Variants in FER1L5 observed in about 807,000 individuals in gnomAD.
FER1L5 encodes the protein fer-1-like protein 5.
Under a neutral mutation model 279.9 loss-of-function variants are expected in FER1L5, and 187 were observed. The observed-to-expected ratio is 0.67, with a 90% confidence interval of 0.59 to 0.75. The LOEUF (loss-of-function observed/expected upper bound fraction) is 0.75. Ranked by LOEUF, FER1L5 falls within the 30% of genes least tolerant of loss-of-function variation. FER1L5 has a pLI of 0.00. For missense variants in FER1L5, 2,091 were observed against 2,594.4 expected (o/e 0.81, Z 4.21); for synonymous variants, 921 against 989.7 (o/e 0.93, Z 1.30).
At chr2:96,649,821 A>G (rs774885487) in intron 5 of FER1L5, 144 bp downstream of exon 5, 153 of 793,100 alleles carry the variant, frequency 1.9e-4, no homozygotes, top group Admixed American at 4.8e-4. Flanking sequence ...TGGAAGCTAC[A>G]GGGTCTAGAT....
intron 19 of FER1L5, among the ~76,000 whole-genome samples, 153 bp downstream of exon 19, chr2:96,673,407 C>A (rs1199086404): frequency 1.6e-5 from 1 of 62,082 alleles, no homozygotes; most frequent in Non-Finnish European, 2.7e-5. Context: ...GAGGTGAAGT[C>A]ATTTGCCAAA....
In FER1L5 at chr2:96,699,076, A is replaced by C. The variant is rs1353772061; in HGVS notation, c.4550A>C (p.Lys1517Thr). 2 of 1,612,026 alleles carry C rather than the reference A, an allele frequency of 1.2e-6. No homozygotes were observed. Among genetic ancestry groups the C allele is most frequent in the Non-Finnish European group, 1.7e-6 (2 of 1,179,186 alleles). ...CDPYVILKLG[K>T]TELGNRDMYQ... is the part of the protein sequence containing the mutation. ...CCTTATGTGATCCTGAAACTGGGCA[A>C]GACAGAGCTTGGCAACCGGGACATG... Residue 1517 changes from lysine (K) to threonine (T), a missense_variant, in exon 42 of 53, where the codon AAG becomes ACG. Coordinates refer to ENST00000624922, the MANE Select transcript of FER1L5 (RefSeq NM_001293083.2).
chr2:96,652,048 G>A (rs2075403424), intron 7 of FER1L5, 28 bp downstream of exon 7: 1 of 1,551,354 alleles, frequency 6.4e-7, no homozygotes, highest in Admixed American at 2.0e-5. Context: ...CATCAGGCAA[G>A]GAGCCAGCCA....
chr2:96,700,929 C>A (rs1427892089), intron 45 of FER1L5, among the ~76,000 whole-genome samples: 1 of 152,342 alleles, frequency 6.6e-6, no homozygotes, highest in Non-Finnish European at 1.5e-5. Flanking sequence ...CACTCTGCAG[C>A]CACCATAATG....
chr2:96,645,271 G>A (rs982152423), intron 1 of FER1L5, among the ~76,000 whole-genome samples: 1 of 152,156 alleles, frequency 6.6e-6, no homozygotes, highest in Non-Finnish European at 1.5e-5. Context: ...CAGCTCTCCT[G>A]GGTAGCTCCT....
Position 96,704,754 on chromosome 2 carries a change from A to G in FER1L5, c.*62A>G. ...CAGCCCTCCCCTTGGGCTGGCTACCAGTTCTTTGTTTCTATCTTCTAGAAT... is the reference window on the plus strand; with the variant it reads ...CAGCCCTCCCCTTGGGCTGGCTACCGGTTCTTTGTTTCTATCTTCTAGAAT... On this transcript the variant is annotated 3_prime_UTR_variant, in exon 53 of 53. Coordinates refer to ENST00000624922, the MANE Select transcript of FER1L5 (RefSeq NM_001293083.2). The G allele has an allele frequency of 7.6e-7, 1 of 1,310,412 alleles. No homozygotes were observed. Among genetic ancestry groups the G allele is most frequent in the Non-Finnish European group, 1.1e-6 (1 of 913,954 alleles). The allele number at this position is 1,310,412 out of a possible 1,614,324, so 81.2% of individuals were successfully genotyped here.
intron 45 of FER1L5, among the ~76,000 whole-genome samples, chr2:96,700,855 C>A (rs1383990106): frequency 1.3e-5 from 2 of 152,174 alleles, no homozygotes; most frequent in Non-Finnish European, 2.9e-5. Context: ...TAGGCTGTGT[C>A]TTCTTCACAG....
At chr2:96,690,296 G>T (rs898884187) in intron 26 of FER1L5, among the ~76,000 whole-genome samples, 191 bp from the exon 27 acceptor site, 6 of 152,150 alleles carry the variant, frequency 3.9e-5, no homozygotes, top group Non-Finnish European at 8.8e-5. Flanking sequence ...AGCTTCCAGC[G>T]CAGAAAGGCA....
At chr2:96,666,315 G>A (rs1474958753) in intron 14 of FER1L5, among the ~76,000 whole-genome samples, 1 of 150,976 alleles carries the variant, frequency 6.6e-6, no homozygotes, top group African/African-American at 2.4e-5. Flanking sequence ...CCATAAATCT[G>A]AACTTGGAGG....
intron 9 of FER1L5, among the ~76,000 whole-genome samples, chr2:96,659,139 T>C (rs2075719066): frequency 6.6e-6 from 1 of 151,432 alleles, no homozygotes; most frequent in East Asian, 1.9e-4. Context: ...TTCACCGTGT[T>C]AGCCAGGATG....
chr2:96,647,067 C>T lies in FER1L5; in HGVS notation c.142C>T (p.Leu48=). The part of the protein sequence containing the change: ...EGNDPVWNET[L]IWHLWNRPLE... The stretch of plus-strand genomic sequence containing the variant: ...GACCTCTCTATGCCCCCCACAGACC[C>T]TAATCTGGCACCTCTGGAACCGCCC... The change falls in exon 3 of 53, where the codon CTA becomes TTA. Residue 48 remains leucine (L), a synonymous_variant. Transcript: ENST00000624922. The T allele has an allele frequency of 2.6e-6, 4 of 1,551,622 alleles. No homozygotes were observed. Among genetic ancestry groups the T allele is most frequent in the Non-Finnish European group, 3.5e-6 (4 of 1,146,960 alleles).
intron 42 of FER1L5, 78 bp from the exon 43 acceptor site, chr2:96,699,472 G>GGGCC (rs1300178837): frequency 6.7e-7 from 1 of 1,492,054 alleles, no homozygotes; most frequent in Non-Finnish European, 9.1e-7. Context: ...GGGGCCTACG[G>GGGCC]GGCCGAGACA....
rs564208177 is a variant in FER1L5 at position 96,686,452 on chromosome 2, T to C, written c.2229+102T>C. On this transcript the variant is annotated intron_variant, in intron 23 of 52. Transcript: ENST00000624922. ...GCCCCTATGGGGCCTGTTTTCCTGG[T>C]CCCTTAACCACATGGAATGGGGTTG... 1.9e-4 allele frequency: 253 copies of C among 1,311,632 alleles called. 1 individual carries two copies. Among genetic ancestry groups the C allele is most frequent in the Admixed American group, 2.9e-4 (11 of 37,476 alleles). The allele number at this position is 1,311,632 out of a possible 1,614,324, so 81.2% of individuals were successfully genotyped here. A position where few individuals can be genotyped will look rare whatever the true frequency, so the allele number is the denominator to read the frequency against.
intron 37 of FER1L5, among the ~76,000 whole-genome samples, chr2:96,696,648 C>T (rs1382491619): frequency 6.6e-6 from 1 of 152,062 alleles, no homozygotes; most frequent in African/African-American, 2.4e-5. Context: ...CATCTGTAAT[C>T]CCAGCACTTT....
intron 7 of FER1L5, chr2:96,653,401 A>C: frequency 1.9e-6 from 1 of 515,944 alleles, no homozygotes. Context: ...TCTGAAACCC[A>C]GAATGCTCCA....
chr2:96,675,203 A>G (rs2076467049), intron 19 of FER1L5, among the ~76,000 whole-genome samples: 1 of 152,134 alleles, frequency 6.6e-6, no homozygotes, highest in African/African-American at 2.4e-5. Context: ...TTTAGGTTGT[A>G]TCTTTTTTTG....
At position 96,702,171 on chromosome 2, in the gene FER1L5, C is replaced by G; in HGVS notation, c.5159+128C>G. The G allele has an allele frequency of 6.4e-7, 1 of 1,560,792 alleles. No individual in the cohort carries two copies. The highest frequency in any genetic ancestry group is 8.7e-7 in the Non-Finnish European group (1 of 1,149,364). ...TCTATTGGGAAGAGAGGAAGCTCTACTGGGAGCTTTCTTCCCCTGAATTCC... is the reference window on the plus strand; with the variant it reads ...TCTATTGGGAAGAGAGGAAGCTCTAGTGGGAGCTTTCTTCCCCTGAATTCC... On this transcript the variant is annotated intron_variant, in intron 46 of 52. Transcript: ENST00000624922. This position sits in a 1 kb window ranked among gnomAD's most constrained non-coding sequence, Gnocchi z 4.0.
intron 19 of FER1L5, among the ~76,000 whole-genome samples, chr2:96,674,183 C>T (rs1201512305): frequency 4.6e-5 from 7 of 152,178 alleles, no homozygotes; most frequent in Non-Finnish European, 1.5e-5. Context: ...TTATCTCCCA[C>T]CTCCCCAGCC....
At chr2:96,697,420 G>A in intron 37 of FER1L5, 106 bp from the exon 38 acceptor site, 1 of 1,274,384 alleles carries the variant, frequency 7.8e-7, no homozygotes, top group African/African-American at 1.5e-5. Context: ...TGAAAGGCAA[G>A]GGCAAGGGCA....
Sources: gnomAD v4.1 joint callset for allele counts (sites outside exome capture counted in the v4.1 genomes callset) on GRCh38, gnomAD v4.1.1 for gene constraint, Gnocchi (gnomAD v3.1) non-coding constraint, MANE v1.5 for transcripts, NCBI Gene and HGNC (gene_info 2026-07-23, HGNC 2026-07-21) for gene names.